SLC6A6: variants seen among roughly 807,000 people sequenced by gnomAD.
The protein encoded by SLC6A6 is sodium- and chloride-dependent taurine transporter.
A neutral mutation model predicts 68.8 loss-of-function variants in SLC6A6; 16 were observed. That is an observed-to-expected ratio of 0.23 (90% CI 0.16 to 0.35). SLC6A6 has a LOEUF of 0.35. Among genes scored for constraint, SLC6A6 ranks in the 10% least tolerant of loss-of-function variants. The pLI is 1.00. For missense variants in SLC6A6, 474 were observed against 802.8 expected (o/e 0.59, Z 4.95); for synonymous variants, 312 against 315.4 (o/e 0.99, Z 0.12).
At chr3:14,457,758 CCTTTT>C (rs1227697009) in intron 5 of SLC6A6, among the ~76,000 whole-genome samples, 187 bp from the exon 6 acceptor site, 1 of 152,212 alleles carries the variant, frequency 6.6e-6, no homozygotes, top group Non-Finnish European at 1.5e-5. Context: ...CTGAGTCTAT[CCTTTT>C]CTTTTCTTTC....
chr3:14,477,072 C>A lies in SLC6A6; in HGVS notation c.1210-133C>A. On this transcript the variant is annotated intron_variant, in intron 10 of 14. Coordinates refer to ENST00000622186, the MANE Select transcript of SLC6A6 (RefSeq NM_003043.6). This position sits in a 1 kb window ranked among gnomAD's most constrained non-coding sequence, Gnocchi z 4.2. ...GCTTCCACACTTGGACTTGATCTCACAGGCCAATTCTGGACACAAGGATGG... is the reference window on the plus strand; with the variant it reads ...GCTTCCACACTTGGACTTGATCTCAAAGGCCAATTCTGGACACAAGGATGG... The A allele has an allele frequency of 1.2e-6, 1 of 819,398 alleles. No homozygotes were observed. The highest frequency in any genetic ancestry group is 2.0e-6 in the Non-Finnish European group (1 of 512,094). The allele number at this position is 819,398 out of a possible 1,614,324, so 50.8% of individuals were successfully genotyped here.
intron 2 of SLC6A6, among the ~76,000 whole-genome samples, chr3:14,430,922 C>T (rs1314804348): frequency 6.6e-6 from 1 of 152,188 alleles, no homozygotes; most frequent in East Asian, 1.9e-4. Context: ...TCAGTTTCCT[C>T]ATCTGTAAAA....
At chr3:14,419,399 G>C (rs983489451) in intron 2 of SLC6A6, among the ~76,000 whole-genome samples, 1 of 152,206 alleles carries the variant, frequency 6.6e-6, no homozygotes, top group Non-Finnish European at 1.5e-5. Flanking sequence ...CTGAGAAGGG[G>C]CATGATGCGG....
rs1055798272 is a variant in SLC6A6, at chr3:14,468,042, C to T, written c.972-46C>T. On this transcript the variant is annotated intron_variant, in intron 8 of 14. Coordinates refer to ENST00000622186, the MANE Select transcript of SLC6A6 (RefSeq NM_003043.6). This position sits in a 1 kb window ranked among gnomAD's most constrained non-coding sequence, Gnocchi z 4.5. Reference sequence around the variant, plus strand: ...AAAAGAGAAGTAGGGAGCGTGGCTTCCTTGTGTTGTGAATTAACTTGCTCC... The same window carrying T: ...AAAAGAGAAGTAGGGAGCGTGGCTTTCTTGTGTTGTGAATTAACTTGCTCC... 1 of 1,613,832 alleles carries T rather than the reference C, an allele frequency of 6.2e-7. No homozygotes were observed. The highest frequency in any genetic ancestry group is 1.3e-5 in the African/African-American group (1 of 75,018).
intron 2 of SLC6A6, among the ~76,000 whole-genome samples, chr3:14,433,355 C>A (rs991120928): frequency 3.9e-5 from 6 of 152,170 alleles, no homozygotes; most frequent in African/African-American, 1.4e-4. Context: ...GTTTGGGCTT[C>A]CTGCACAAGG....
At chr3:14,436,315 C>A (rs1410832992) in intron 2 of SLC6A6, among the ~76,000 whole-genome samples, 2 of 152,242 alleles carry the variant, frequency 1.3e-5, no homozygotes, top group East Asian at 3.9e-4. Context: ...ATCCTCCTAC[C>A]GCAGCCTCCT....
In SLC6A6 at chr3:14,402,973, C is replaced by T; in HGVS notation, c.-54+126C>T. ...GCGTGCGCCCATCCGGCGCCCCTTTCACCACCGCGGAAGGGACCGAGAGTC... is the reference window on the plus strand; with the variant it reads ...GCGTGCGCCCATCCGGCGCCCCTTTTACCACCGCGGAAGGGACCGAGAGTC... On this transcript the variant is annotated intron_variant, in intron 1 of 14. Transcript: ENST00000622186. This position sits in a 1 kb window ranked among gnomAD's most constrained non-coding sequence, Gnocchi z 4.8. The T allele has an allele frequency of 2.6e-6, 1 of 381,558 alleles. No homozygotes were observed. Among genetic ancestry groups the T allele is most frequent in the Non-Finnish European group, 4.6e-6 (1 of 215,382 alleles). The allele number at this position is 381,558 out of a possible 1,614,324, so 23.6% of individuals were successfully genotyped here. A position where few individuals can be genotyped will look rare whatever the true frequency, so the allele number is the denominator to read the frequency against.
In SLC6A6 at chr3:14,468,294, C is replaced by G; in HGVS notation, c.1096+82C>G. 7.7e-7 allele frequency: 1 copy of G among 1,302,274 alleles called. No individual in the cohort carries two copies. The highest frequency in any genetic ancestry group is 1.0e-6 in the Non-Finnish European group (1 of 960,606). 80.7% of individuals were successfully genotyped at this position (1,302,274 alleles called of 1,614,324 possible). The stretch of plus-strand genomic sequence containing the variant: ...GTACTGCAGGCATGAAGCCAGACCC[C>G]AGGGGGCTTTGAGGGGGGACGAGCC... On this transcript the variant is annotated intron_variant, in intron 9 of 14. Coordinates refer to ENST00000622186, the MANE Select transcript of SLC6A6 (RefSeq NM_003043.6). This position sits in a 1 kb window ranked among gnomAD's most constrained non-coding sequence, Gnocchi z 4.5.
chr3:14,433,483 G>A (rs1297534356), intron 2 of SLC6A6, among the ~76,000 whole-genome samples: 1 of 152,098 alleles, frequency 6.6e-6, no homozygotes, highest in Non-Finnish European at 1.5e-5. Context: ...GCCGAGGTGT[G>A]GGGTTAACGA....
rs1018011584 is a variant in SLC6A6 at position 14,487,548 on chromosome 3, G to T, written c.*2541G>T. ...CTTGGGATGGGTCAGAAATGCTGAT[G>T]CCCGCACATAGCCCAGCCAGCCAGA... is the stretch of plus-strand genomic sequence containing the variant. On this transcript the variant is annotated 3_prime_UTR_variant, in exon 15 of 15. Transcript: ENST00000622186. The T allele has an allele frequency of 6.6e-6, 1 of 152,224 alleles. No homozygotes were observed. The highest frequency in any genetic ancestry group is 2.4e-5 in the African/African-American group (1 of 41,458). The allele number at this position is 152,224 out of a possible 1,614,324, so 9.4% of individuals were successfully genotyped here.
chr3:14,436,740 G>A (rs1023059860), intron 2 of SLC6A6, among the ~76,000 whole-genome samples: 3 of 151,906 alleles, frequency 2.0e-5, no homozygotes, highest in African/African-American at 4.8e-5. Context: ...GCTAGAGGAG[G>A]GCTCCAGTCC....
intron 2 of SLC6A6, among the ~76,000 whole-genome samples, chr3:14,437,371 C>T (rs895612399): frequency 6.6e-6 from 1 of 152,106 alleles, no homozygotes; most frequent in African/African-American, 2.4e-5. Flanking sequence ...GACCCTCCCA[C>T]CTCAGCCTCC....
intron 4 of SLC6A6, 106 bp downstream of exon 4, chr3:14,445,957 C>T (rs1055616037): frequency 1.9e-5 from 22 of 1,133,262 alleles, no homozygotes; most frequent in African/African-American, 3.1e-5. Flanking sequence ...ATGCACATCA[C>T]TTAGCTCTAT....
At chr3:14,407,016 A>G (rs6762859) in intron 1 of SLC6A6, among the ~76,000 whole-genome samples, 127,875 of 151,946 alleles carry the variant, frequency 0.84, 54,716 homozygotes, top group South Asian at 0.91. Context: ...CTCCAGGGGG[A>G]TGGAGCCTGG....
intron 6 of SLC6A6, among the ~76,000 whole-genome samples, chr3:14,462,960 G>GGAGA (rs1481352159): frequency 6.6e-5 from 10 of 152,172 alleles, no homozygotes; most frequent in African/African-American, 2.4e-4. Context: ...GGCCGCCTGG[G>GGAGA]GAGATACGTG....
At chr3:14,430,572 C>T (rs772767651) in intron 2 of SLC6A6, among the ~76,000 whole-genome samples, 12 of 152,210 alleles carry the variant, frequency 7.9e-5, no homozygotes, top group Admixed American at 2.6e-4. Flanking sequence ...TGGATTTTAG[C>T]GCTGAGCTTT....
chr3:14,472,083 G>A lies in SLC6A6; in HGVS notation c.1097-122G>A. On this transcript the variant is annotated intron_variant, in intron 9 of 14. Coordinates refer to ENST00000622186, the MANE Select transcript of SLC6A6 (RefSeq NM_003043.6). The surrounding 1 kb of genome is among the most constrained non-coding windows in gnomAD (Gnocchi z 4.5). ...GCCTGGTCTCTTTCCCCAGGCCAGA[G>A]TTCAGACCTGGCTCCCTGCTGTATT... The A allele has an allele frequency of 1.5e-6, 1 of 657,172 alleles. No homozygotes were observed. Among genetic ancestry groups the A allele is most frequent in the Non-Finnish European group, 2.8e-6 (1 of 363,610 alleles). 40.7% of individuals were successfully genotyped at this position (657,172 alleles called of 1,614,324 possible). A position where few individuals can be genotyped will look rare whatever the true frequency, so the allele number is the denominator to read the frequency against.
chr3:14,403,923 A>C (rs1012138597), intron 1 of SLC6A6, among the ~76,000 whole-genome samples: 6 of 152,116 alleles, frequency 3.9e-5, no homozygotes, highest in African/African-American at 1.4e-4. Context: ...CGGCCTGGCT[A>C]TTTTGGTCAC....
intron 5 of SLC6A6, among the ~76,000 whole-genome samples, chr3:14,454,264 G>A: frequency 7.2e-6 from 1 of 139,390 alleles, no homozygotes; most frequent in East Asian, 2.1e-4. Context: ...GGCGTCAGGG[G>A]CCTGGACAGG....
Sources: allele counts gnomAD v4.1 joint callset (sites outside exome capture counted in the v4.1 genomes callset), GRCh38; gene constraint gnomAD v4.1.1; non-coding constraint Gnocchi (gnomAD v3.1); transcripts MANE v1.5; gene names NCBI Gene and HGNC (gene_info 2026-07-23, HGNC 2026-07-21).